Variants in ANKRD11 observed in about 807,000 individuals in gnomAD.
ANKRD11 encodes the protein ankyrin repeat domain-containing protein 11.
In ANKRD11, 17 loss-of-function variants were observed where a neutral mutation model predicts 195.7. The ratio of observed to expected loss-of-function variants is 0.09; its 90% CI spans 0.06 to 0.13. The LOEUF (loss-of-function observed/expected upper bound fraction) is 0.13. Ranked by LOEUF, ANKRD11 falls within the 10% of genes least tolerant of loss-of-function variation. The probability of loss-of-function intolerance (pLI) is 1.00; values close to 1 mark genes in which losing one functional copy is unlikely to be tolerated. For missense variants in ANKRD11, 3,735 were observed against 3,566.1 expected (o/e 1.05, Z -1.21); for synonymous variants, 1,953 against 1,528.1 (o/e 1.28, Z -6.49).
chr16:89,459,762 C>G (rs932713157), intron 1 of ANKRD11, among the ~76,000 whole-genome samples: 2 of 152,144 alleles, frequency 1.3e-5, no homozygotes, highest in Middle Eastern at 6.8e-3. Context: ...GAGACCAGCC[C>G]CATGTCTACA....
intron 1 of ANKRD11, among the ~76,000 whole-genome samples, chr16:89,478,670 C>T (rs1049901083): frequency 6.6e-6 from 1 of 152,232 alleles, no homozygotes; most frequent in East Asian, 1.9e-4. Context: ...GCCGGCTACG[C>T]GCAGCTCTCC....
rs183872246 is a variant in ANKRD11 at position 89,332,970 on chromosome 16, A to G, written c.-59-15892T>C. Among the ~76,000 whole-genome samples the G allele has an allele frequency of 7.8e-3, 1,196 of 152,362 alleles. 61 individuals are homozygous for G. Among genetic ancestry groups the G allele is most frequent in the Admixed American group, 0.068 (1,047 of 15,314 alleles). On this transcript the variant is annotated intron_variant, in intron 2 of 12. Coordinates refer to ENST00000301030, the MANE Select transcript of ANKRD11 (RefSeq NM_013275.6). ...TGCAACAGAACAGCGGGGCTGCTCC[A>G]CGCTTCTCAGCCATTTTCCCATCCT...
rs1357597479 is a variant in ANKRD11 at position 89,280,503 on chromosome 16, C to T, written c.6039G>A (p.Ala2013=). ...AAPGPFSASE[A]PYPAPPASPA... The stretch of plus-strand genomic sequence containing the variant: ...GAGAGGCGGGAGGGGCGGGGTACGG[C>T]GCCTCCGAGGCGCTGAAGGGCCCTG... The change falls in exon 9 of 13, where the codon GCG becomes GCA. Residue 2013 remains alanine, a synonymous_variant. Coordinates refer to ENST00000301030, the MANE Select transcript of ANKRD11 (RefSeq NM_013275.6). 6.3e-6 allele frequency: 10 copies of T among 1,597,522 alleles called. No homozygotes were observed. Among genetic ancestry groups the T allele is most frequent in the Admixed American group, 1.7e-5 (1 of 58,270 alleles).
In ANKRD11 at chr16:89,282,701, G is replaced by T; in HGVS notation, c.3841C>A (p.Leu1281Ile). ...SRSADAEKSL[L>I]EKLEEEALHE... ...AGAGCCTCTTCTTCCAACTTTTCAA[G>T]CAGGCTTTTTTCCGCGTCGGCACTT... The change falls in exon 9 of 13, where the codon CTT (leucine) becomes ATT (isoleucine). Residue 1281 changes from leucine (L) to isoleucine (I), a missense_variant. Transcript: ENST00000301030. 1 of 1,614,104 alleles carries T rather than the reference G, an allele frequency of 6.2e-7. No individual in the cohort carries two copies. Among genetic ancestry groups the T allele is most frequent in the African/African-American group, 1.3e-5 (1 of 75,028 alleles).
chr16:89,469,505 G>A (rs1488430570), intron 1 of ANKRD11, among the ~76,000 whole-genome samples: 2 of 152,020 alleles, frequency 1.3e-5, no homozygotes, highest in Admixed American at 1.3e-4. Flanking sequence ...TTACAGGCGT[G>A]AGCCACCGCA....
rs976983352 is a variant in ANKRD11, at chr16:89,280,521, G to A, written c.6021C>T (p.Pro2007=). ...GGTACGGCGCCTCCGAGGCGCTGAAGGGCCCTGGGGCGGCAGAGTGGAGGG... is the reference window on the plus strand; with the variant it reads ...GGTACGGCGCCTCCGAGGCGCTGAAAGGCCCTGGGGCGGCAGAGTGGAGGG... ...ADPLHSAAPG[P]FSASEAPYPA... is the part of the protein sequence containing the mutation. The change falls in exon 9 of 13, where the codon CCC becomes CCT. Residue 2007 remains proline (P), a synonymous_variant. Transcript: ENST00000301030. The A allele has an allele frequency of 3.7e-6, 6 of 1,611,206 alleles. No individual in the cohort carries two copies. In the African/African-American group the frequency reaches 4.0e-5, roughly 11 times the overall value.
At chr16:89,471,193 A>C (rs2057072552) in intron 1 of ANKRD11, among the ~76,000 whole-genome samples, 1 of 152,092 alleles carries the variant, frequency 6.6e-6, no homozygotes, top group African/African-American at 2.4e-5. Flanking sequence ...CTCTGTTTTA[A>C]AAGTAAAAAA....
At chr16:89,277,183 G>C (rs2033730288) in intron 9 of ANKRD11, among the ~76,000 whole-genome samples, 1 of 152,228 alleles carries the variant, frequency 6.6e-6, no homozygotes, top group South Asian at 2.1e-4. Flanking sequence ...TGCTGAGATG[G>C]GGCCCGTCGG....
chr16:89,401,358 G>A (rs2041679329), intron 2 of ANKRD11, among the ~76,000 whole-genome samples: 2 of 152,092 alleles, frequency 1.3e-5, no homozygotes, highest in South Asian at 2.1e-4. Flanking sequence ...ATTACAGCAC[G>A]AGCCACTGCG....
chr16:89,295,563 G>A (rs1030190659), intron 4 of ANKRD11, among the ~76,000 whole-genome samples: 4 of 152,228 alleles, frequency 2.6e-5, no homozygotes, highest in Non-Finnish European at 4.4e-5. Context: ...TGGTGCTGCT[G>A]GAGCACGGCC....
rs988892731 is a variant in ANKRD11 at position 89,286,055 on chromosome 16, G to A, written c.876C>T (p.Ser292=). 5.0e-6 allele frequency: 8 copies of A among 1,614,096 alleles called. No individual in the cohort carries two copies. Among genetic ancestry groups the A allele is most frequent in the East Asian group, 2.2e-5 (1 of 44,900 alleles). ...GTGACTTACCCGTCGAGCTCTCCTC[G>A]CTGGAAGTGTAAGTGCCTTTGCCTA... is the stretch of plus-strand genomic sequence containing the variant. The part of the protein sequence containing the change: ...LLLGKGTYTS[S]EESSTESSEE... Residue 292 remains serine (S), a synonymous_variant, in exon 8 of 13, where the codon AGC becomes AGT. Coordinates refer to ENST00000301030, the MANE Select transcript of ANKRD11 (RefSeq NM_013275.6).
intron 9 of ANKRD11, among the ~76,000 whole-genome samples, chr16:89,275,652 C>G (rs781117418): frequency 1.3e-5 from 2 of 152,134 alleles, no homozygotes. Flanking sequence ...AGCTGACAAC[C>G]GAGCCGGTGG....
At chr16:89,435,712 C>T (rs1220184775) in intron 1 of ANKRD11, among the ~76,000 whole-genome samples, 1 of 151,656 alleles carries the variant, frequency 6.6e-6, no homozygotes, top group Non-Finnish European at 1.5e-5. Flanking sequence ...GACGTACTTT[C>T]GTTCTGTCCT....
At chr16:89,489,227 GCGCGCGCGCGCGCGCGCGCACACA>G (rs1282367415) in intron 1 of ANKRD11, 1 of 23,908 alleles carries the variant, frequency 4.2e-5, no homozygotes, top group Non-Finnish European at 1.4e-4. Context: ...ACACACACAC[GCGCGCGCGCGCGCGCGCGCACACA>G]CATACACCAC....
chr16:89,383,420 GAGAATGTGAGTTC>G (rs974879411), intron 2 of ANKRD11, among the ~76,000 whole-genome samples: 4 of 152,224 alleles, frequency 2.6e-5, no homozygotes, highest in Non-Finnish European at 5.9e-5. Context: ...CACACTCTGG[GAGAATGTGAGTTC>G]AGAAAGGCGC....
chr16:89,297,990 G>A (rs1351652318), intron 4 of ANKRD11: 1 of 140,766 alleles, frequency 7.1e-6, no homozygotes, highest in South Asian at 2.6e-4. Context: ...GCCCTTGCCT[G>A]CACAACCTCC....
chr16:89,439,195 T>G (rs949247804), intron 1 of ANKRD11, among the ~76,000 whole-genome samples: 2 of 152,148 alleles, frequency 1.3e-5, no homozygotes, highest in Non-Finnish European at 2.9e-5. Flanking sequence ...CACTGAAGGT[T>G]CAAGGAAGTC....
chr16:89,332,214 T>C (rs3102373), intron 2 of ANKRD11, among the ~76,000 whole-genome samples: 83,776 of 151,998 alleles, frequency 0.55, 23,655 homozygotes, highest in Middle Eastern at 0.7. Context: ...TATTAAAGAA[T>C]CCTCACAATA....
chr16:89,415,845 A>AAAAAAAAAAAAAAAAAC (rs2042284015), intron 2 of ANKRD11, among the ~76,000 whole-genome samples: 1 of 146,492 alleles, frequency 6.8e-6, no homozygotes, highest in Non-Finnish European at 1.5e-5. Flanking sequence ...AAAAAAAAAA[A>AAAAAAAAAAAAAAAAAC]AAAAACAATG....
Sources: allele counts gnomAD v4.1 joint callset (sites outside exome capture counted in the v4.1 genomes callset), GRCh38; gene constraint gnomAD v4.1.1; transcripts MANE v1.5; gene names NCBI Gene and HGNC (gene_info 2026-07-23, HGNC 2026-07-21).